NTM: variants seen among roughly 807,000 people sequenced by gnomAD.
NTM encodes IgLON family member 2.
A neutral mutation model predicts 42.1 loss-of-function variants in NTM; 13 were observed. The ratio of observed to expected loss-of-function variants is 0.31; its 90% CI spans 0.20 to 0.49. The LOEUF (loss-of-function observed/expected upper bound fraction) is 0.49, where lower values mean the gene tolerates loss of function less well. Among genes scored for constraint, NTM ranks in the 20% least tolerant of loss-of-function variants. The pLI is 0.99. For missense variants in NTM, 373 were observed against 452.8 expected (o/e 0.82, Z 1.60); for synonymous variants, 187 against 179.2 (o/e 1.04, Z -0.35).
chr11:131,936,272 A>G (rs2059206596), intron 2 of NTM, among the ~76,000 whole-genome samples: 2 of 152,240 alleles, frequency 1.3e-5, no homozygotes, highest in African/African-American at 2.4e-5. Flanking sequence ...ATTCATTTCT[A>G]TCCTATATTG....
intron 3 of NTM, among the ~76,000 whole-genome samples, chr11:132,193,742 AAG>A (rs2079691591): frequency 6.6e-6 from 1 of 152,024 alleles, no homozygotes; most frequent in South Asian, 2.1e-4. Context: ...ATTATTAAAT[AAG>A]AGAGAAGATG....
At chr11:132,001,832 A>G (rs942623267) in intron 2 of NTM, among the ~76,000 whole-genome samples, 5 of 152,138 alleles carry the variant, frequency 3.3e-5, no homozygotes, top group African/African-American at 9.7e-5. Flanking sequence ...GTAAAATGAG[A>G]TGACAAAACC....
chr11:131,545,540 A>T (rs1268329409), intron 1 of NTM, among the ~76,000 whole-genome samples: 1 of 152,188 alleles, frequency 6.6e-6, no homozygotes, highest in Non-Finnish European at 1.5e-5. Flanking sequence ...TTCACTGAGC[A>T]TCAGTCTTCT....
At chr11:131,879,425 A>C (rs1164622869) in intron 1 of NTM, among the ~76,000 whole-genome samples, 2 of 152,096 alleles carry the variant, frequency 1.3e-5, no homozygotes, top group Non-Finnish European at 2.9e-5. Context: ...AAAACATTGA[A>C]ATTTTGGGTC....
At position 131,411,893 on chromosome 11, in the gene NTM, GC is replaced by G. The variant is rs913424423; in HGVS notation, c.82+41006del. On this transcript the variant is annotated intron_variant, in intron 1 of 8. Coordinates refer to ENST00000683400, the MANE Select transcript of NTM (RefSeq NM_001352005.2). ...TGCAGCAAAGGGAACAAAACTATAA[GC>G]AGCATTTGTCTTACTTGTGTGAAAA... Among the ~76,000 whole-genome samples the G allele has an allele frequency of 2.9e-4, 44 of 152,232 alleles. 1 individual carries two copies. The Middle Eastern group carries it at 0.01, about 35-fold the overall frequency.
In NTM at chr11:131,436,104, T is replaced by C. The variant is rs1193330837; in HGVS notation, c.82+65216T>C. 2.6e-5 allele frequency among the ~76,000 whole-genome samples: 4 copies of C among 152,356 alleles called. No individual in the cohort carries two copies. The South Asian group carries it at 8.3e-4, about 32-fold the overall frequency. On this transcript the variant is annotated intron_variant, in intron 1 of 8. Transcript: ENST00000683400. ...TGGATTATGTTTATTGATTTGCATA[T>C]GTTCAACCAGACTTGCATCCCAGGG... is the stretch of plus-strand genomic sequence containing the variant.
intron 1 of NTM, among the ~76,000 whole-genome samples, chr11:131,790,881 C>T (rs1284538305): frequency 6.6e-6 from 1 of 152,160 alleles, no homozygotes; most frequent in East Asian, 1.9e-4. Flanking sequence ...CAGATCTGCA[C>T]TGCAAAGTTT....
chr11:132,104,974 TATATATATATATATA>T (rs2062153296), intron 2 of NTM, among the ~76,000 whole-genome samples: 1 of 121,572 alleles, frequency 8.2e-6, no homozygotes, highest in Non-Finnish European at 1.7e-5. Flanking sequence ...TATATATATA[TATATATATATATATA>T]TATTTCATGG....
intron 1 of NTM, among the ~76,000 whole-genome samples, chr11:131,376,831 C>G (rs1942037316): frequency 1.3e-5 from 2 of 152,176 alleles, no homozygotes; most frequent in African/African-American, 4.8e-5. Flanking sequence ...CACCCTAACA[C>G]CAAATCCATC....
intron 4 of NTM, among the ~76,000 whole-genome samples, chr11:132,258,815 T>G (rs4556549): frequency 0.1 from 15,186 of 152,200 alleles, 1,174 homozygotes; most frequent in African/African-American, 0.2. Context: ...ATAAGCACAT[T>G]ATTGTAGTGA....
rs750629256 is a variant in NTM, at chr11:131,679,151, G to A, written c.83-232413G>A. Among the ~76,000 whole-genome samples the A allele has an allele frequency of 9.8e-4, 149 of 152,206 alleles. 1 individual carries two copies. The highest frequency in any genetic ancestry group is 1.8e-3 in the Non-Finnish European group (121 of 68,006). On this transcript the variant is annotated intron_variant, in intron 1 of 8. Coordinates refer to ENST00000683400, the MANE Select transcript of NTM (RefSeq NM_001352005.2). ...TTTGCTCCATGATCTGCTCACAGAT[G>A]GAAGTCAGCCCCCCTGACATTTGGG... is the stretch of plus-strand genomic sequence containing the variant.
chr11:131,567,975 G>A (rs1459241027), intron 1 of NTM, among the ~76,000 whole-genome samples: 2 of 152,158 alleles, frequency 1.3e-5, no homozygotes, highest in Non-Finnish European at 2.9e-5. Flanking sequence ...AGTAATGATG[G>A]CATCCTTATT....
At chr11:131,478,553 T>TA (rs1373372915) in intron 1 of NTM, among the ~76,000 whole-genome samples, 11 of 152,110 alleles carry the variant, frequency 7.2e-5, no homozygotes, top group Non-Finnish European at 1.6e-4. Flanking sequence ...TGCCTGAGGG[T>TA]AGGAGTGTTT....
At chr11:131,906,856 C>T (rs1353915320) in intron 1 of NTM, among the ~76,000 whole-genome samples, 3 of 152,160 alleles carry the variant, frequency 2.0e-5, no homozygotes, top group Admixed American at 6.5e-5. Flanking sequence ...TGCACCTTTG[C>T]TCTTTCTGCT....
intron 3 of NTM, among the ~76,000 whole-genome samples, chr11:132,165,643 G>T (rs1025158530): frequency 1.3e-5 from 2 of 152,090 alleles, no homozygotes; most frequent in African/African-American, 4.8e-5. Context: ...GCTCAGGGGG[G>T]GTTTAGTCTT....
chr11:131,382,111 T>C (rs1174411550), intron 1 of NTM, among the ~76,000 whole-genome samples: 1 of 152,196 alleles, frequency 6.6e-6, no homozygotes, highest in Non-Finnish European at 1.5e-5. Context: ...AACTTCCAGA[T>C]TCTGTTATGA....
chr11:131,677,655 G>A (rs2071663835), intron 1 of NTM, among the ~76,000 whole-genome samples: 1 of 152,186 alleles, frequency 6.6e-6, no homozygotes, highest in South Asian at 2.1e-4. Context: ...CAAGCGCTTT[G>A]CCAAGAGAAG....
At chr11:132,097,962 C>G (rs1359018986) in intron 2 of NTM, among the ~76,000 whole-genome samples, 4 of 152,218 alleles carry the variant, frequency 2.6e-5, no homozygotes, top group Non-Finnish European at 2.9e-5. Flanking sequence ...CTAAAATATT[C>G]TACCAGTTCT....
intron 1 of NTM, among the ~76,000 whole-genome samples, chr11:131,750,988 C>T (rs1164945227): frequency 6.6e-6 from 1 of 152,134 alleles, no homozygotes; most frequent in Admixed American, 6.5e-5. Context: ...CCTGAGACTC[C>T]CACATGGGGC....
Sources: gnomAD v4.1 joint callset for allele counts (sites outside exome capture counted in the v4.1 genomes callset) on GRCh38, gnomAD v4.1.1 for gene constraint, MANE v1.5 for transcripts, NCBI Gene and HGNC (gene_info 2026-07-23, HGNC 2026-07-21) for gene names.